CAPN9: variants seen among roughly 807,000 people sequenced by gnomAD.
The protein encoded by CAPN9 is calpain 9.
Under a neutral mutation model 92.8 loss-of-function variants are expected in CAPN9, and 81 were observed. The ratio of observed to expected loss-of-function variants is 0.87; its 90% CI spans 0.73 to 1.05. The LOEUF (loss-of-function observed/expected upper bound fraction) is 1.05. Ranked by LOEUF, CAPN9 falls within the 50% of genes least tolerant of loss-of-function variation. The pLI is 0.00. For missense variants in CAPN9, 848 were observed against 866.2 expected, an observed-to-expected ratio of 0.98 and a Z score of 0.26; for synonymous variants, 304 against 328.0, an observed-to-expected ratio of 0.93 and a Z score of 0.79.
In CAPN9 at chr1:230,800,256, AAG is replaced by A. The variant is rs1392906487; in HGVS notation, c.2047-1312_2047-1311del. ...GAAGAAAGAAAGAAAGAAAGAAAGA[AAG>A]AAAGAAAGAAAGAAAGAAAGAAAGA... is the stretch of plus-strand genomic sequence containing the variant. On this transcript the variant is annotated intron_variant, in intron 19 of 19. Transcript: ENST00000271971. 2.1e-3 allele frequency among the ~76,000 whole-genome samples: 272 copies of A among 128,994 alleles called. 13 individuals carry two copies. Among genetic ancestry groups the A allele is most frequent in the Non-Finnish European group, 7.9e-4 (48 of 60,394 alleles). The allele number at this position is 128,994 out of a possible 152,430, so 84.6% of individuals were successfully genotyped here. A position where few individuals can be genotyped will look rare whatever the true frequency, so the allele number is the denominator to read the frequency against.
At chr1:230,773,833 G>A (rs1436120335) in intron 7 of CAPN9, among the ~76,000 whole-genome samples, 6 of 152,188 alleles carry the variant, frequency 3.9e-5, no homozygotes, top group Non-Finnish European at 7.3e-5. Flanking sequence ...GAGCTGCCAC[G>A]TTGGCTGTAG....
At position 230,759,537 on chromosome 1, in the gene CAPN9, C is replaced by T. The variant is rs754006462; in HGVS notation, c.309C>T (p.Ile103=). The T allele has an allele frequency of 1.6e-5, 26 of 1,609,358 alleles. No homozygotes were observed. Among genetic ancestry groups the T allele is most frequent in the Middle Eastern group, 1.6e-4 (1 of 6,070 alleles). The change falls in exon 3 of 20, where the codon ATC becomes ATT. Residue 103 remains isoleucine (I), a synonymous_variant. Transcript: ENST00000271971. The part of the protein sequence containing the change: ...ELGDCWLLAA[I]ASLTLNQKAL... ...GAGACTGCTGGCTATTAGCCGCCAT[C>T]GCCTCCCTTACGCTTAATCAAAAAG...
Position 230,747,404 on chromosome 1 carries a change from G to A in CAPN9, c.-93G>A. Reference sequence around the variant, plus strand: ...GGGCCACTCAGCCCAGTGGCCCTCTGAGCTGTTCCTTCTTGACCGGCACAC... The same window carrying A: ...GGGCCACTCAGCCCAGTGGCCCTCTAAGCTGTTCCTTCTTGACCGGCACAC... On this transcript the variant is annotated 5_prime_UTR_variant, in exon 1 of 20. Transcript: ENST00000271971. 1 of 1,133,156 alleles carries A rather than the reference G, an allele frequency of 8.8e-7. No individual in the cohort carries two copies. The allele number at this position is 1,133,156 out of a possible 1,614,324, so 70.2% of individuals were successfully genotyped here. A position where few individuals can be genotyped will look rare whatever the true frequency, so the allele number is the denominator to read the frequency against.
chr1:230,754,149 C>T (rs931087933), intron 1 of CAPN9, among the ~76,000 whole-genome samples: 2 of 152,016 alleles, frequency 1.3e-5, no homozygotes, highest in African/African-American at 4.8e-5. Context: ...AGGGGCGGGG[C>T]TTCCGAGAGC....
At chr1:230,754,119 G>A (rs1665052784) in intron 1 of CAPN9, among the ~76,000 whole-genome samples, 1 of 151,942 alleles carries the variant, frequency 6.6e-6, no homozygotes, top group African/African-American at 2.4e-5. Context: ...CTGGGGGAGG[G>A]GCGGGGCAGG....
intron 9 of CAPN9, among the ~76,000 whole-genome samples, chr1:230,779,921 A>AGGAAATGGTTGAAGAGAAGGT (rs1446596592): frequency 2.6e-5 from 4 of 152,210 alleles, no homozygotes; most frequent in Non-Finnish European, 4.4e-5. Flanking sequence ...GAAACTGCAT[A>AGGAAATGGTTGAAGAGAAGGT]GGAAATGGTT....
chr1:230,796,110 A>C (rs1168455382), intron 18 of CAPN9, among the ~76,000 whole-genome samples: 1 of 151,520 alleles, frequency 6.6e-6, no homozygotes, highest in Non-Finnish European at 1.5e-5. Context: ...AGGCAGTTGG[A>C]TCGTGAGGTC....
intron 7 of CAPN9, among the ~76,000 whole-genome samples, chr1:230,773,321 C>T (rs1011589133): frequency 6.6e-6 from 1 of 152,124 alleles, no homozygotes; most frequent in Non-Finnish European, 1.5e-5. Flanking sequence ...AGAGATTGGC[C>T]TCCCTCTCCT....
chr1:230,751,572 A>T (rs1572004710), intron 1 of CAPN9, among the ~76,000 whole-genome samples: 3 of 102,330 alleles, frequency 2.9e-5, no homozygotes, highest in African/African-American at 8.3e-5. Flanking sequence ...GAAAGAAAGA[A>T]AGAAGAAAGA....
Position 230,759,615 on chromosome 1 carries a change from G to A in CAPN9, c.387G>A (p.Gly129=). Reference sequence around the variant, plus strand: ...AAAGCTTTGGCCCTGGTTATGCCGGGATATTCCATTTCCAGGTAAGAGGGA... The same window carrying A: ...AAAGCTTTGGCCCTGGTTATGCCGGAATATTCCATTTCCAGGTAAGAGGGA... ...QDQSFGPGYA[G]IFHFQFWQHS... The change falls in exon 3 of 20, where the codon GGG becomes GGA. Residue 129 remains glycine, a synonymous_variant. Transcript: ENST00000271971. The A allele has an allele frequency of 6.2e-7, 1 of 1,605,246 alleles. No individual in the cohort carries two copies. The highest frequency in any genetic ancestry group is 1.1e-5 in the South Asian group (1 of 88,768).
At position 230,780,609 on chromosome 1, in the gene CAPN9, T is replaced by C. The variant is rs377090700; in HGVS notation, c.1382T>C (p.Leu461Pro). 1.2e-6 allele frequency: 2 copies of C among 1,614,064 alleles called. No individual in the cohort carries two copies. The highest frequency in any genetic ancestry group is 2.7e-5 in the African/African-American group (2 of 74,928). ...NLREVSDRFK[L>P]PPGEYILIPS... ...AGAGAAGTCTCCGACCGGTTCAAGC[T>C]GCCCCCTGGGGAGTACATCCTGATT... Residue 461 changes from leucine (L) to proline (P), a missense_variant, in exon 11 of 20, where the codon CTG becomes CCG. Transcript: ENST00000271971.
intron 7 of CAPN9, among the ~76,000 whole-genome samples, chr1:230,772,459 G>A (rs938599768): frequency 3.3e-5 from 5 of 150,460 alleles, no homozygotes; most frequent in Admixed American, 2.0e-4. Context: ...GCATAAGTGC[G>A]TGTGTGTTTG....
intron 11 of CAPN9, among the ~76,000 whole-genome samples, chr1:230,782,355 T>A (rs529543280): frequency 6.6e-6 from 1 of 152,222 alleles, no homozygotes. Flanking sequence ...GGTTATGTTA[T>A]GGATGCCCAG....
intron 14 of CAPN9, among the ~76,000 whole-genome samples, chr1:230,790,663 G>A (rs576745588): frequency 2.0e-5 from 3 of 152,146 alleles, no homozygotes; most frequent in Non-Finnish European, 4.4e-5. Flanking sequence ...ATCATAGGCC[G>A]GGTGCGGTGG....
intron 7 of CAPN9, 102 bp downstream of exon 7, chr1:230,772,201 C>T (rs1006921692): frequency 2.6e-5 from 25 of 951,086 alleles, no homozygotes; most frequent in African/African-American, 2.4e-4. Flanking sequence ...ACTATCCTCC[C>T]GGGCTCTGAC....
At chr1:230,774,700 C>A in intron 8 of CAPN9, 69 bp downstream of exon 8, 3 of 928,984 alleles carry the variant, frequency 3.2e-6, no homozygotes, top group Non-Finnish European at 5.2e-6. Context: ...GTAAGGAGCA[C>A]TGTGCTTCTC....
At chr1:230,782,292 A>T (rs1316388027) in intron 11 of CAPN9, among the ~76,000 whole-genome samples, 3 of 152,220 alleles carry the variant, frequency 2.0e-5, no homozygotes, top group Non-Finnish European at 4.4e-5. Context: ...CTGTGTTTGC[A>T]TTGGTTTAGC....
chr1:230,780,659 G>C lies in CAPN9; in HGVS notation c.1432G>C (p.Glu478Gln). The C allele has an allele frequency of 2.5e-6, 4 of 1,614,102 alleles. No homozygotes were observed. Among genetic ancestry groups the C allele is most frequent in the Non-Finnish European group, 3.4e-6 (4 of 1,180,004 alleles). Reference protein sequence around the residue: ...LIPSTFEPHQEADFCLRIFSE... With the variant: ...LIPSTFEPHQQADFCLRIFSE... ...TCCCAGCACTTTTGAGCCCCACCAG[G>C]AAGCTGATTTCTGTCTGAGAATCTT... The change falls in exon 11 of 20, where the codon GAA becomes CAA. Residue 478 changes from glutamate (E) to glutamine (Q), a missense_variant. Physicochemically the swap from Glu to Gln is conservative, Grantham distance 29. Transcript: ENST00000271971.
chr1:230,757,340 G>A (rs903418684), intron 2 of CAPN9, among the ~76,000 whole-genome samples: 4 of 152,008 alleles, frequency 2.6e-5, no homozygotes, highest in Non-Finnish European at 5.9e-5. Flanking sequence ...CCTCGACCCC[G>A]TAGTCCTCCA....
Sources: allele counts gnomAD v4.1 joint callset (sites outside exome capture counted in the v4.1 genomes callset), GRCh38; gene constraint gnomAD v4.1.1; transcripts MANE v1.5; gene names NCBI Gene and HGNC (gene_info 2026-07-23, HGNC 2026-07-21).